The following PTPRK variants were observed in gnomAD, a reference collection of about 807,000 sequenced individuals.
The protein encoded by PTPRK is protein tyrosine phosphatase receptor type K, also known as receptor-type tyrosine-protein phosphatase kappa.
A neutral mutation model predicts 178.0 loss-of-function variants in PTPRK; 75 were observed. The ratio of observed to expected loss-of-function variants is 0.42; its 90% CI spans 0.35 to 0.51. The LOEUF (loss-of-function observed/expected upper bound fraction) is 0.51. PTPRK is among the 20% of genes least tolerant of loss of function. The probability of loss-of-function intolerance (pLI) is 0.02; values close to 1 mark genes in which losing one functional copy is unlikely to be tolerated. For synonymous variants in PTPRK, 637 were observed against 620.6 expected, an observed-to-expected ratio of 1.03 and a Z score of -0.39; for missense variants, 1,441 against 1,797.8, an observed-to-expected ratio of 0.80 and a Z score of 3.59.
At chr6:128,278,159 AT>A (rs1287142865) in intron 3 of PTPRK, among the ~76,000 whole-genome samples, 13 of 149,356 alleles carry the variant, frequency 8.7e-5, no homozygotes, top group South Asian at 6.4e-4. Flanking sequence ...TTATTTATTT[AT>A]TTATTTATTT....
chr6:128,451,726 T>C (rs1847821375), intron 1 of PTPRK, among the ~76,000 whole-genome samples: 1 of 152,172 alleles, frequency 6.6e-6, no homozygotes, highest in South Asian at 2.1e-4. Context: ...GGTTTTCTAA[T>C]CTCTCAGTTT....
intron 3 of PTPRK, among the ~76,000 whole-genome samples, chr6:128,315,370 T>C (rs1827854075): frequency 6.6e-6 from 1 of 152,136 alleles, no homozygotes; most frequent in Admixed American, 6.5e-5. Context: ...TTACTGCTTC[T>C]AGAGGGCTGA....
At chr6:128,147,839 G>A (rs1482925277) in intron 7 of PTPRK, among the ~76,000 whole-genome samples, 1 of 152,132 alleles carries the variant, frequency 6.6e-6, no homozygotes, top group African/African-American at 2.4e-5. Flanking sequence ...GTTTACAAGT[G>A]TCTCCTTTCC....
intron 2 of PTPRK, among the ~76,000 whole-genome samples, chr6:128,363,677 T>G (rs1835079077): frequency 6.6e-6 from 1 of 152,136 alleles, no homozygotes; most frequent in Non-Finnish European, 1.5e-5. Context: ...GGGAATCAGT[T>G]TGCTGAACAC....
rs184582525 is a variant in PTPRK at position 128,367,084 on chromosome 6, G to A, written c.223+30482C>T. On this transcript the variant is annotated intron_variant, in intron 2 of 29. Coordinates refer to ENST00000368226, the MANE Select transcript of PTPRK (RefSeq NM_002844.4). ...TATTATAGTACCTTGGTCTCTATGTGCCACCTTCTTTAAGGATGTAAACTC... is the reference window on the plus strand; with the variant it reads ...TATTATAGTACCTTGGTCTCTATGTACCACCTTCTTTAAGGATGTAAACTC... Among the ~76,000 whole-genome samples the A allele has an allele frequency of 1.1e-3, 164 of 152,174 alleles. 1 individual carries two copies. The highest frequency in any genetic ancestry group is 3.8e-3 in the African/African-American group (158 of 41,546).
intron 2 of PTPRK, among the ~76,000 whole-genome samples, chr6:128,396,675 C>T (rs1192601158): frequency 5.9e-5 from 9 of 152,014 alleles, no homozygotes; most frequent in Admixed American, 5.9e-4. Context: ...TCCCAAAACC[C>T]AAAATCAAAG....
chr6:128,416,970 T>C (rs1253350687), intron 1 of PTPRK, among the ~76,000 whole-genome samples: 1 of 148,416 alleles, frequency 6.7e-6, no homozygotes, highest in Non-Finnish European at 1.5e-5. Context: ...TAAAATTATA[T>C]AGATATAATA....
intron 6 of PTPRK, among the ~76,000 whole-genome samples, chr6:128,199,034 T>A (rs1363450880): frequency 6.6e-6 from 1 of 152,180 alleles, no homozygotes; most frequent in Non-Finnish European, 1.5e-5. Flanking sequence ...ATAAATTATA[T>A]GAGAAATTAA....
chr6:128,479,004 G>A (rs979274614), intron 1 of PTPRK, among the ~76,000 whole-genome samples: 1 of 151,956 alleles, frequency 6.6e-6, no homozygotes, highest in Non-Finnish European at 1.5e-5. Context: ...GAGCTATAAA[G>A]CAAGCCAAAT....
chr6:128,396,208 T>C (rs1049080268), intron 2 of PTPRK, among the ~76,000 whole-genome samples: 5 of 151,428 alleles, frequency 3.3e-5, no homozygotes, highest in Non-Finnish European at 5.9e-5. Flanking sequence ...CTTACTCTTT[T>C]TGTAGAAAAA....
At chr6:128,393,938 C>T (rs764312364) in intron 2 of PTPRK, among the ~76,000 whole-genome samples, 4 of 152,086 alleles carry the variant, frequency 2.6e-5, no homozygotes, top group Admixed American at 6.6e-5. Flanking sequence ...AACTGTAAAA[C>T]GCCATCCAGA....
At chr6:128,051,056 A>C (rs1778920498) in intron 13 of PTPRK, among the ~76,000 whole-genome samples, 1 of 152,146 alleles carries the variant, frequency 6.6e-6, no homozygotes, top group Non-Finnish European at 1.5e-5. Context: ...TGGATAATCT[A>C]ATACACTTCT....
At chr6:128,342,201 CG>C (rs1408783721) in intron 2 of PTPRK, among the ~76,000 whole-genome samples, 4 of 151,224 alleles carry the variant, frequency 2.6e-5, no homozygotes, top group African/African-American at 9.7e-5. Context: ...TGCAGTGAGC[CG>C]AGATCTCACC....
intron 2 of PTPRK, among the ~76,000 whole-genome samples, chr6:128,376,724 A>G (rs1223936371): frequency 6.6e-6 from 1 of 152,040 alleles, no homozygotes; most frequent in Non-Finnish European, 1.5e-5. Flanking sequence ...AAAACTGAAC[A>G]CCTTTAACAG....
At chr6:128,063,306 A>G (rs1781183645) in intron 13 of PTPRK, 1 of 152,212 alleles carries the variant, frequency 6.6e-6, no homozygotes, top group Non-Finnish European at 1.5e-5. Context: ...TAGTTTAAAT[A>G]TCATGTGATA....
At chr6:128,251,874 A>G (rs115972574) in intron 3 of PTPRK, among the ~76,000 whole-genome samples, 99 of 152,334 alleles carry the variant, frequency 6.5e-4, no homozygotes, top group African/African-American at 2.3e-3. Flanking sequence ...AGCATTACCA[A>G]TTGCCTGCAT....
intron 2 of PTPRK, among the ~76,000 whole-genome samples, chr6:128,338,584 G>A (rs192655351): frequency 6.6e-6 from 1 of 152,164 alleles, no homozygotes; most frequent in Non-Finnish European, 1.5e-5. Flanking sequence ...ATATCCACCA[G>A]TGGAGACCTA....
chr6:128,121,324 T>C (rs1164035894), intron 7 of PTPRK, among the ~76,000 whole-genome samples: 3 of 151,966 alleles, frequency 2.0e-5, no homozygotes, highest in Non-Finnish European at 4.4e-5. Flanking sequence ...AATATTTCCC[T>C]GGACAGATAG....
At chr6:128,332,327 C>T (rs1272730733) in intron 2 of PTPRK, among the ~76,000 whole-genome samples, 1 of 152,198 alleles carries the variant, frequency 6.6e-6, no homozygotes, top group Non-Finnish European at 1.5e-5. Flanking sequence ...GATTTCCTTT[C>T]CAGTACCTTC....
Sources: gnomAD v4.1 joint callset for allele counts (sites outside exome capture counted in the v4.1 genomes callset) on GRCh38, gnomAD v4.1.1 for gene constraint, MANE v1.5 for transcripts, NCBI Gene and HGNC (gene_info 2026-07-23, HGNC 2026-07-21) for gene names.